The following RPS6KC1 variants were observed in gnomAD, a reference collection of about 807,000 sequenced individuals.
The protein encoded by RPS6KC1 is ribosomal protein S6 kinase C1.
Under a neutral mutation model 103.8 loss-of-function variants are expected in RPS6KC1, and 54 were observed. That is an observed-to-expected ratio of 0.52 (90% CI 0.42 to 0.65). The LOEUF is 0.65. Ranked by LOEUF, RPS6KC1 falls within the 30% of genes least tolerant of loss-of-function variation. The pLI is 0.00. For synonymous variants in RPS6KC1, 439 were observed against 438.7 expected, an observed-to-expected ratio of 1.00 and a Z score of -0.01; for missense variants, 1,151 against 1,253.8, an observed-to-expected ratio of 0.92 and a Z score of 1.24.
chr1:213,120,425 C>T (rs1035693492), intron 5 of RPS6KC1, among the ~76,000 whole-genome samples: 1 of 152,048 alleles, frequency 6.6e-6, no homozygotes, highest in Non-Finnish European at 1.5e-5. Context: ...TTTTAAATAT[C>T]GTAAGATTGT....
the RPS6KC1 span, among the ~76,000 whole-genome samples, chr1:213,420,835 G>T: frequency 1.3e-5 from 2 of 152,110 alleles, no homozygotes; most frequent in African/African-American, 4.8e-5. Flanking sequence ...GCAGGGCCAC[G>T]CTCCCTCTGA....
chr1:213,282,805 A>G, the RPS6KC1 span, among the ~76,000 whole-genome samples: 1 of 152,228 alleles, frequency 6.6e-6, no homozygotes, highest in African/African-American at 2.4e-5. Flanking sequence ...AGGGGTAGAG[A>G]CAGAGATGAA....
the RPS6KC1 span, among the ~76,000 whole-genome samples, chr1:213,477,038 G>A: frequency 6.6e-6 from 1 of 152,128 alleles, no homozygotes; most frequent in Non-Finnish European, 1.5e-5. Flanking sequence ...ATCCCACTGG[G>A]TGGTGGTGAG....
chr1:213,541,422 C>A, the RPS6KC1 span, among the ~76,000 whole-genome samples: 3 of 151,878 alleles, frequency 2.0e-5, no homozygotes, highest in Non-Finnish European at 4.4e-5. Flanking sequence ...AAAAATGGCA[C>A]CAATACACTT....
At chr1:213,609,131 A>G in the RPS6KC1 span, among the ~76,000 whole-genome samples, 1 of 152,234 alleles carries the variant, frequency 6.6e-6, no homozygotes, top group Non-Finnish European at 1.5e-5. Flanking sequence ...TCCATTCCTA[A>G]CATTGTCATG....
At chr1:213,660,244 G>A in the RPS6KC1 span, among the ~76,000 whole-genome samples, 2 of 152,198 alleles carry the variant, frequency 1.3e-5, no homozygotes, top group Admixed American at 1.3e-4. Context: ...AGGAGGAACG[G>A]GAAGGGACTG....
intron 4 of RPS6KC1, among the ~76,000 whole-genome samples, chr1:213,113,739 A>G (rs1285293330): frequency 2.0e-5 from 3 of 152,068 alleles, no homozygotes; most frequent in Admixed American, 1.3e-4. Flanking sequence ...TTTCTGTATG[A>G]GGTGTAAGGA....
At chr1:213,744,302 TATAAAAAAA>T in the RPS6KC1 span, among the ~76,000 whole-genome samples, 4 of 151,880 alleles carry the variant, frequency 2.6e-5, no homozygotes, top group African/African-American at 4.8e-5. Flanking sequence ...GAAATAATGA[TATAAAAAAA>T]ATAAAAAAAA....
the RPS6KC1 span, among the ~76,000 whole-genome samples, chr1:213,282,679 T>C: frequency 3.9e-5 from 6 of 152,264 alleles, no homozygotes; most frequent in Non-Finnish European, 7.3e-5. Flanking sequence ...CTTGTCATCA[T>C]TGATGAGGCT....
chr1:213,402,199 C>T, the RPS6KC1 span, among the ~76,000 whole-genome samples: 1 of 152,176 alleles, frequency 6.6e-6, no homozygotes, highest in Non-Finnish European at 1.5e-5. Context: ...CCTTGAGCCA[C>T]TCACTTATTC....
chr1:213,753,463 C>G, the RPS6KC1 span, among the ~76,000 whole-genome samples: 281 of 152,242 alleles, frequency 1.8e-3, 2 homozygotes, highest in African/African-American at 6.5e-3. Flanking sequence ...TCCTTTGGGT[C>G]AAAATAAGAA....
rs144436274 is a variant in RPS6KC1, at chr1:213,242,052, C to A, written c.2576C>A (p.Thr859Asn). ...GATGATTTGGCTAAAGAGGAACCAA[C>A]TTCTTTATTCCAGAGAGACTCTGAG... ...QTDDLAKEEP[T>N]SLFQRDSETK... Residue 859 changes from threonine to asparagine, a missense_variant, in exon 11 of 15, where the codon ACT becomes AAT. Transcript: ENST00000366960. The A allele has an allele frequency of 1.3e-4, 209 of 1,614,024 alleles. 1 individual carries two copies. In the African/African-American group the frequency reaches 1.6e-3, roughly 12 times the overall value.
At chr1:213,559,545 G>A in the RPS6KC1 span, among the ~76,000 whole-genome samples, 2 of 152,122 alleles carry the variant, frequency 1.3e-5, no homozygotes, top group Non-Finnish European at 2.9e-5. Flanking sequence ...TCACCTGAAG[G>A]CATTTAAATG....
At chr1:213,545,412 AAAT>A in the RPS6KC1 span, among the ~76,000 whole-genome samples, 1 of 66,692 alleles carries the variant, frequency 1.5e-5, no homozygotes, top group Non-Finnish European at 3.7e-5. Flanking sequence ...ATAAATAAAT[AAAT>A]AAAATAAAAT....
the RPS6KC1 span, among the ~76,000 whole-genome samples, chr1:213,845,194 C>T: frequency 6.6e-6 from 1 of 152,118 alleles, no homozygotes; most frequent in Non-Finnish European, 1.5e-5. Context: ...CTTAATTTTG[C>T]AATTATTGAC....
chr1:213,371,186 G>A, the RPS6KC1 span, among the ~76,000 whole-genome samples: 4 of 151,978 alleles, frequency 2.6e-5, no homozygotes, highest in East Asian at 1.9e-4. Flanking sequence ...GGTACCTCCC[G>A]TAGAGTAGGA....
At chr1:213,821,045 G>A in the RPS6KC1 span, 1 of 152,184 alleles carries the variant, frequency 6.6e-6, no homozygotes, top group South Asian at 2.1e-4. Context: ...GAGCAGGAGG[G>A]ATACTCCAAG....
intron 4 of RPS6KC1, among the ~76,000 whole-genome samples, chr1:213,117,097 A>C (rs547724654): frequency 6.6e-6 from 1 of 152,234 alleles, no homozygotes; most frequent in East Asian, 1.9e-4. Context: ...CCCAGCCCCC[A>C]GTTTCTGCCA....
chr1:213,676,332 C>G, the RPS6KC1 span, among the ~76,000 whole-genome samples: 1 of 152,174 alleles, frequency 6.6e-6, no homozygotes, highest in Non-Finnish European at 1.5e-5. Context: ...TTAAAGGCTC[C>G]TAGTCATGCA....
Sources: gnomAD v4.1 joint callset for allele counts (sites outside exome capture counted in the v4.1 genomes callset) on GRCh38, gnomAD v4.1.1 for gene constraint, MANE v1.5 for transcripts, NCBI Gene and HGNC (gene_info 2026-07-23, HGNC 2026-07-21) for gene names.